ANKS1B: variants seen among roughly 807,000 people sequenced by gnomAD.
ANKS1B encodes the protein ankyrin repeat and sterile alpha motif domain-containing protein 1B.
Under a neutral mutation model 148.3 loss-of-function variants are expected in ANKS1B, and 36 were observed. The ratio of observed to expected loss-of-function variants is 0.24; its 90% CI spans 0.19 to 0.32. The LOEUF is 0.32. Ranked by LOEUF, ANKS1B falls within the 10% of genes least tolerant of loss-of-function variation. The probability of loss-of-function intolerance (pLI) is 1.00; values close to 1 mark genes in which losing one functional copy is unlikely to be tolerated. For missense variants in ANKS1B, 1,157 were observed against 1,542.6 expected, an observed-to-expected ratio of 0.75 and a Z score of 4.19; for synonymous variants, 542 against 560.8, an observed-to-expected ratio of 0.97 and a Z score of 0.47.
intron 1 of ANKS1B, among the ~76,000 whole-genome samples, chr12:99,980,832 T>C (rs2095691056): frequency 6.6e-6 from 1 of 152,018 alleles, no homozygotes; most frequent in South Asian, 2.1e-4. Flanking sequence ...CTACTACCAA[T>C]TGCTGAAAGT....
intron 12 of ANKS1B, among the ~76,000 whole-genome samples, chr12:99,373,023 G>A (rs369989624): frequency 6.6e-6 from 1 of 152,170 alleles, no homozygotes; most frequent in East Asian, 1.9e-4. Flanking sequence ...GATAGATCAT[G>A]AAAGTTTGAG....
chr12:99,664,442 A>G (rs1470326473), intron 8 of ANKS1B, among the ~76,000 whole-genome samples: 1 of 152,148 alleles, frequency 6.6e-6, no homozygotes, highest in East Asian at 1.9e-4. Context: ...GAAATTTTAT[A>G]TAAAAATTAA....
At chr12:98,846,314 G>T (rs12312048) in intron 17 of ANKS1B, among the ~76,000 whole-genome samples, 10,738 of 152,262 alleles carry the variant, frequency 0.071, 1,241 homozygotes, top group African/African-American at 0.24. Flanking sequence ...CTATCCAAAA[G>T]TTCCAGTTAA....
intron 8 of ANKS1B, among the ~76,000 whole-genome samples, chr12:99,675,736 TA>T (rs1480821362): frequency 6.6e-6 from 1 of 151,948 alleles, no homozygotes; most frequent in East Asian, 1.9e-4. Flanking sequence ...TTATATATAA[TA>T]AAATAAATGT....
Position 99,311,780 on chromosome 12 carries a change from A to G in ANKS1B, c.1757-64916T>C, listed in dbSNP as rs932985777. ...ACTAGTTGGAACCATACCAAAAATA[A>G]GAGCTCAGTGAGAAGGAAAGAGGAA... On this transcript the variant is annotated intron_variant, in intron 12 of 26. Transcript: ENST00000683438. Among the ~76,000 whole-genome samples the G allele has an allele frequency of 8.5e-5, 13 of 152,188 alleles. 1 individual carries two copies. Among genetic ancestry groups the G allele is most frequent in the Non-Finnish European group, 1.9e-4 (13 of 68,024 alleles).
intron 17 of ANKS1B, among the ~76,000 whole-genome samples, chr12:98,894,343 C>A (rs1286620580): frequency 6.7e-6 from 1 of 150,100 alleles, no homozygotes; most frequent in Non-Finnish European, 1.5e-5. Context: ...TCAAACTCCT[C>A]GGAACCCCAA....
intron 12 of ANKS1B, among the ~76,000 whole-genome samples, chr12:99,362,401 C>T (rs1322898414): frequency 1.3e-5 from 2 of 151,892 alleles, no homozygotes; most frequent in Admixed American, 6.6e-5. Flanking sequence ...GATAAGGCAA[C>T]TGAGGTTTAG....
chr12:99,231,331 A>T (rs2086802847), intron 14 of ANKS1B, among the ~76,000 whole-genome samples: 1 of 152,060 alleles, frequency 6.6e-6, no homozygotes, highest in South Asian at 2.1e-4. Flanking sequence ...TGTCTGTATG[A>T]TTTGACCTAA....
At chr12:99,950,214 C>A (rs1272375509) in intron 1 of ANKS1B, among the ~76,000 whole-genome samples, 1 of 150,286 alleles carries the variant, frequency 6.7e-6, no homozygotes, top group African/African-American at 2.5e-5. Context: ...CCTGCCTAGG[C>A]CTCCCAAAGT....
intron 8 of ANKS1B, among the ~76,000 whole-genome samples, chr12:99,688,442 T>C (rs2098661456): frequency 6.6e-6 from 1 of 152,254 alleles, no homozygotes; most frequent in African/African-American, 2.4e-5. Flanking sequence ...CTGTTTTATA[T>C]ACTGTGTCCA....
At chr12:99,618,490 G>C (rs2098001460) in intron 9 of ANKS1B, among the ~76,000 whole-genome samples, 1 of 152,106 alleles carries the variant, frequency 6.6e-6, no homozygotes. Flanking sequence ...GGAATCCTCA[G>C]CATTCGTGAA....
intron 5 of ANKS1B, among the ~76,000 whole-genome samples, chr12:99,780,343 T>C (rs538687011): frequency 6.6e-6 from 1 of 152,230 alleles, no homozygotes; most frequent in South Asian, 2.1e-4. Context: ...TGGCGCGATC[T>C]CGGCTCACTG....
intron 9 of ANKS1B, among the ~76,000 whole-genome samples, chr12:99,615,689 C>T (rs1050271571): frequency 6.6e-6 from 1 of 152,094 alleles, no homozygotes; most frequent in Non-Finnish European, 1.5e-5. Context: ...CAATATCATA[C>T]TGAATAGGCA....
chr12:99,645,905 C>T (rs973945782), intron 9 of ANKS1B, among the ~76,000 whole-genome samples: 3 of 151,960 alleles, frequency 2.0e-5, no homozygotes, highest in Non-Finnish European at 4.4e-5. Context: ...ATCCAAACAT[C>T]TATAGGCTCT....
intron 17 of ANKS1B, among the ~76,000 whole-genome samples, chr12:98,963,393 G>T (rs1464054305): frequency 1.3e-5 from 2 of 152,084 alleles, no homozygotes; most frequent in Non-Finnish European, 2.9e-5. Flanking sequence ...GGCTAGGCTG[G>T]TCCCAAACTC....
At chr12:98,780,943 G>C (rs911201857) in intron 24 of ANKS1B, among the ~76,000 whole-genome samples, 174 bp downstream of exon 24, 2 of 150,020 alleles carry the variant, frequency 1.3e-5, no homozygotes, top group African/African-American at 5.0e-5. Context: ...ATGAAGGTGT[G>C]TATGTGTGTG....
At chr12:99,320,055 A>T (rs1190188490) in intron 12 of ANKS1B, among the ~76,000 whole-genome samples, 1 of 152,214 alleles carries the variant, frequency 6.6e-6, no homozygotes, top group Non-Finnish European at 1.5e-5. Flanking sequence ...TTCTGCTGAG[A>T]GATCCACTCT....
chr12:99,683,082 C>T (rs540469528), intron 8 of ANKS1B, among the ~76,000 whole-genome samples: 2 of 152,188 alleles, frequency 1.3e-5, no homozygotes, highest in Admixed American at 6.5e-5. Flanking sequence ...CACCAGGTCT[C>T]GTGAGACTTA....
intron 8 of ANKS1B, among the ~76,000 whole-genome samples, chr12:99,700,531 T>C (rs760137440): frequency 1.4e-4 from 22 of 152,290 alleles, no homozygotes; most frequent in Non-Finnish European, 2.4e-4. Context: ...TTTCCTTCTT[T>C]ACAATTTCAT....
Sources: gnomAD v4.1 joint callset for allele counts (sites outside exome capture counted in the v4.1 genomes callset) on GRCh38, gnomAD v4.1.1 for gene constraint, MANE v1.5 for transcripts, NCBI Gene and HGNC (gene_info 2026-07-23, HGNC 2026-07-21) for gene names.